Variants in ADK observed in about 807,000 individuals in gnomAD.
ADK encodes the protein adenosine kinase, also known as N6,N6-dimethyladenosine kinase.
A neutral mutation model predicts 44.7 loss-of-function variants in ADK; 24 were observed. The observed-to-expected ratio is 0.54, with a 90% CI of 0.39 to 0.76. ADK has a LOEUF of 0.76. ADK is among the 30% of genes least tolerant of loss of function. The pLI, the probability that ADK is intolerant of heterozygous loss-of-function variation, is 0.00. For missense variants in ADK, 321 were observed against 425.1 expected (o/e 0.76, Z 2.15); for synonymous variants, 128 against 142.6 (o/e 0.90, Z 0.73).
chr10:74,351,936 A>C (rs1006846851), intron 4 of ADK, among the ~76,000 whole-genome samples: 1 of 152,214 alleles, frequency 6.6e-6, no homozygotes, highest in Non-Finnish European at 1.5e-5. Context: ...AAATGGAAAA[A>C]AAATTCAGTG....
chr10:74,604,220 A>G (rs539623005), intron 9 of ADK, among the ~76,000 whole-genome samples: 1 of 152,296 alleles, frequency 6.6e-6, no homozygotes, highest in East Asian at 1.9e-4. Context: ...CTCTGATGAT[A>G]GTTTCATTTG....
At chr10:74,524,824 G>C (rs1019125108) in intron 6 of ADK, among the ~76,000 whole-genome samples, 1 of 152,132 alleles carries the variant, frequency 6.6e-6, no homozygotes, top group African/African-American at 2.4e-5. Flanking sequence ...CTTTATCCCA[G>C]GAGTTCAGGA....
At position 74,403,710 on chromosome 10, in the gene ADK, C is replaced by T. The variant is rs114956246; in HGVS notation, c.555+5131C>T. ...CTTGCGCTTCCCAGGTGAAGCGATG[C>T]CCCGCCCTGCTTTGGCTCACACTCT... On this transcript the variant is annotated intron_variant, in intron 6 of 10. Coordinates refer to ENST00000539909, the MANE Select transcript of ADK (RefSeq NM_006721.4). 8.7e-3 allele frequency among the ~76,000 whole-genome samples: 1,322 copies of T among 152,268 alleles called. 23 individuals are homozygous for T. Among genetic ancestry groups the T allele is most frequent in the African/African-American group, 0.03 (1,237 of 41,548 alleles).
intron 3 of ADK, among the ~76,000 whole-genome samples, chr10:74,242,754 C>T (rs1845266563): frequency 6.6e-6 from 1 of 152,186 alleles, no homozygotes; most frequent in South Asian, 2.1e-4. Context: ...ATGGCCTGCC[C>T]CACCCGCATC....
In ADK at chr10:74,572,690, CTTTG is replaced by C. The variant is rs1054855220; in HGVS notation, c.727-16584_727-16581del. 2.2e-4 allele frequency among the ~76,000 whole-genome samples: 33 copies of C among 152,236 alleles called. No individual in the cohort carries two copies. In the South Asian group the frequency reaches 6.4e-3, roughly 30 times the overall value. On this transcript the variant is annotated intron_variant, in intron 7 of 10. Transcript: ENST00000539909. ...CACTTAGTCCCATATTTCTTGGAGG[CTTTG>C]TTTGTTTCTTTTTATTCTTTTTTCT...
In ADK at chr10:74,708,780, G is replaced by C. The variant is rs1856692001; in HGVS notation, c.*335G>C. The C allele has an allele frequency of 8.3e-6, 2 of 241,088 alleles. No homozygotes were observed. The highest frequency in any genetic ancestry group is 1.7e-5 in the Non-Finnish European group (2 of 120,398). The allele number at this position is 241,088 out of a possible 1,614,324, so 14.9% of individuals were successfully genotyped here. A position where few individuals can be genotyped will look rare whatever the true frequency, so the allele number is the denominator to read the frequency against. On this transcript the variant is annotated 3_prime_UTR_variant, in exon 11 of 11. Transcript: ENST00000539909. ...CACTGATTTGTTTTTTTACATTTCT[G>C]CTTTGAATGCAGATGCAATTTAATA... is the stretch of plus-strand genomic sequence containing the variant.
At chr10:74,528,000 A>G in intron 7 of ADK, 1 of 819,062 alleles carries the variant, frequency 1.2e-6, no homozygotes. Flanking sequence ...CACCTGCAAG[A>G]AAAAAGCGAT....
At chr10:74,706,784 C>G (rs1408597638) in intron 10 of ADK, among the ~76,000 whole-genome samples, 2 of 152,124 alleles carry the variant, frequency 1.3e-5, no homozygotes, top group African/African-American at 4.8e-5. Flanking sequence ...TAAGAAAAAT[C>G]TGCTAGAATT....
chr10:74,390,937 C>T (rs1843307915), intron 4 of ADK, among the ~76,000 whole-genome samples: 1 of 152,122 alleles, frequency 6.6e-6, no homozygotes, highest in Admixed American at 6.6e-5. Context: ...GATAGCATCC[C>T]TCAGATTTTT....
At chr10:74,156,296 C>T (rs1216507179) in intron 1 of ADK, among the ~76,000 whole-genome samples, 2 of 152,034 alleles carry the variant, frequency 1.3e-5, no homozygotes, top group African/African-American at 2.4e-5. Flanking sequence ...TTTTTTTTAC[C>T]TGGAATATGT....
rs147055902 is a variant in ADK at position 74,513,307 on chromosome 10, T to A, written c.556-11949T>A. Among the ~76,000 whole-genome samples the A allele has an allele frequency of 6.1e-3, 923 of 152,288 alleles. 10 individuals are homozygous for A. Among genetic ancestry groups the A allele is most frequent in the African/African-American group, 0.021 (860 of 41,580 alleles). On this transcript the variant is annotated intron_variant, in intron 6 of 10. Transcript: ENST00000539909. ...CAGTTTAACTCTGATGTTTCTTTGT[T>A]GACTTTTTGTCTACATAATCTGCCC...
chr10:74,408,015 T>C (rs1844013629), intron 6 of ADK, among the ~76,000 whole-genome samples: 1 of 152,108 alleles, frequency 6.6e-6, no homozygotes, highest in African/African-American at 2.4e-5. Flanking sequence ...AGTCTCAGTC[T>C]GTTGCCCAGG....
intron 7 of ADK, among the ~76,000 whole-genome samples, chr10:74,538,566 C>T (rs1299252179): frequency 6.6e-6 from 1 of 152,160 alleles, no homozygotes; most frequent in Admixed American, 6.5e-5. Context: ...ATGCCAAAAA[C>T]AGAAAGACTG....
At chr10:74,388,093 G>A (rs990570095) in intron 4 of ADK, among the ~76,000 whole-genome samples, 42 of 152,004 alleles carry the variant, frequency 2.8e-4, no homozygotes, top group African/African-American at 1.0e-3. Flanking sequence ...TATTTTTAGA[G>A]ATGGAGTTTT....
At chr10:74,439,064 A>G (rs7083427) in intron 6 of ADK, among the ~76,000 whole-genome samples, 92,448 of 152,062 alleles carry the variant, frequency 0.61, 30,484 homozygotes, top group Middle Eastern at 0.78. Flanking sequence ...TCATATGTAA[A>G]AGAGTAAGCA....
chr10:74,469,087 C>G (rs1327565602), intron 6 of ADK, among the ~76,000 whole-genome samples: 1 of 152,120 alleles, frequency 6.6e-6, no homozygotes, highest in Non-Finnish European at 1.5e-5. Flanking sequence ...CCTGTAATCC[C>G]AGCACTCTGG....
chr10:74,327,274 A>G (rs1458466738), intron 4 of ADK, among the ~76,000 whole-genome samples: 2 of 152,080 alleles, frequency 1.3e-5, no homozygotes, highest in African/African-American at 2.4e-5. Context: ...TTCATTGACC[A>G]TGTTGTTTAA....
intron 9 of ADK, among the ~76,000 whole-genome samples, chr10:74,644,315 G>A (rs1478648455): frequency 6.6e-6 from 1 of 152,196 alleles, no homozygotes. Context: ...CAGTTCTTAT[G>A]AACAGATTCA....
intron 6 of ADK, among the ~76,000 whole-genome samples, chr10:74,455,175 T>G (rs1845900689): frequency 6.6e-6 from 1 of 152,142 alleles, no homozygotes; most frequent in African/African-American, 2.4e-5. Flanking sequence ...GAACAGTGCA[T>G]GAACCACAAT....
Sources: gnomAD v4.1 joint callset for allele counts (sites outside exome capture counted in the v4.1 genomes callset) on GRCh38, gnomAD v4.1.1 for gene constraint, MANE v1.5 for transcripts, NCBI Gene and HGNC (gene_info 2026-07-23, HGNC 2026-07-21) for gene names.